KLHL25: variants seen among roughly 807,000 people sequenced by gnomAD.
KLHL25 encodes the protein kelch-like protein 25.
KLHL25 carries 41 observed loss-of-function variants against 30.0 expected under a neutral mutation model. The ratio of observed to expected loss-of-function variants is 1.37; its 90% confidence interval spans 1.07 to 1.78. The LOEUF (loss-of-function observed/expected upper bound fraction) is 1.78. Ranked by LOEUF, KLHL25 falls within the 40% of genes most tolerant of loss-of-function variation. The pLI, the probability that KLHL25 is intolerant of heterozygous loss-of-function variation, is 0.00. For missense variants in KLHL25, 971 were observed against 824.5 expected (o/e 1.18, Z -2.18); for synonymous variants, 399 against 355.3 (o/e 1.12, Z -1.38).
intron 1 of KLHL25, among the ~76,000 whole-genome samples, chr15:85,786,583 G>C (rs1258165655): frequency 6.6e-6 from 1 of 152,202 alleles, no homozygotes; most frequent in African/African-American, 2.4e-5. Context: ...CTTTATTCCT[G>C]CAGACAGGTG....
rs1009441040 is a variant in KLHL25, at chr15:85,789,670, G to A, written c.-11+5096C>T. Among the ~76,000 whole-genome samples, 12 of 152,110 alleles carry A rather than the reference G, an allele frequency of 7.9e-5. No individual in the cohort carries two copies. The highest frequency in any genetic ancestry group is 2.9e-4 in the African/African-American group (12 of 41,410). On this transcript the variant is annotated intron_variant, in intron 1 of 2. Transcript: ENST00000337975. The surrounding 1 kb of genome is among the most constrained non-coding windows in gnomAD (Gnocchi z 4.1). ...GTCTCACCCTAGTCATTCCAGAGGG[G>A]GTCATCCTGGTGCTCCCACGAACTG...
intron 1 of KLHL25, among the ~76,000 whole-genome samples, chr15:85,791,768 C>T (rs968602817): frequency 5.3e-5 from 8 of 152,058 alleles, no homozygotes; most frequent in Non-Finnish European, 4.4e-5. Context: ...GGTGCCAGAC[C>T]CCATTCTAGG....
intron 2 of KLHL25, chr15:85,763,652 G>A (rs1160827340): frequency 3.3e-5 from 5 of 152,380 alleles, no homozygotes; most frequent in Middle Eastern, 6.8e-3. Context: ...GGCTTCTGAA[G>A]CTAACGTCAG....
intron 1 of KLHL25, among the ~76,000 whole-genome samples, chr15:85,788,799 G>A (rs763003781): frequency 1.1e-4 from 16 of 152,212 alleles, no homozygotes; most frequent in Non-Finnish European, 2.1e-4. Flanking sequence ...TTCTCCCTCA[G>A]ATTTCCAAGC....
intron 2 of KLHL25, 35 bp downstream of exon 2, chr15:85,767,982 G>A (rs551593520): frequency 4.0e-5 from 57 of 1,407,642 alleles, no homozygotes; most frequent in African/African-American, 1.4e-4. Flanking sequence ...TGACCTTTCC[G>A]GACCCAGAGT....
chr15:85,785,186 C>T (rs2089773216), intron 1 of KLHL25, among the ~76,000 whole-genome samples: 1 of 150,340 alleles, frequency 6.7e-6, no homozygotes, highest in Non-Finnish European at 1.5e-5. Flanking sequence ...CTCCGCCTCC[C>T]GGGTTCACAC....
At position 85,773,947 on chromosome 15, in the gene KLHL25, G is replaced by C. The variant is rs1350887104; in HGVS notation, c.-10-4127C>G. 3.3e-5 allele frequency among the ~76,000 whole-genome samples: 5 copies of C among 152,148 alleles called. No individual in the cohort carries two copies. In the East Asian group the frequency reaches 9.7e-4, roughly 29 times the overall value. ...TGTCTCGGTAAGGGGTCTTAGCTAT[G>C]TGTCCCTCCACCCCTTCCATCTAGC... On this transcript the variant is annotated intron_variant, in intron 1 of 2. Coordinates refer to ENST00000337975, the MANE Select transcript of KLHL25 (RefSeq NM_022480.4).
chr15:85,777,086 G>C (rs2089714367), intron 1 of KLHL25, among the ~76,000 whole-genome samples: 1 of 152,140 alleles, frequency 6.6e-6, no homozygotes, highest in Admixed American at 6.5e-5. Context: ...GCCTCACTTT[G>C]GCCCCCATGC....
rs2089637721 is a variant in KLHL25 at position 85,768,233 on chromosome 15, G to A, written c.1578C>T (p.Ala526=). ...NQWTRIGDMT[A]KRMSCHALAS... is the part of the protein sequence containing the mutation. ...CCAGGGCATGGCAGGACATGCGCTT[G>A]GCAGTCATGTCCCCAATCCGCGTCC... The change falls in exon 2 of 3, where the codon GCC becomes GCT. Residue 526 remains alanine, a synonymous_variant. Transcript: ENST00000337975. The A allele has an allele frequency of 4.3e-6, 7 of 1,614,170 alleles. No homozygotes were observed. Among genetic ancestry groups the A allele is most frequent in the Non-Finnish European group, 5.9e-6 (7 of 1,180,044 alleles).
At chr15:85,771,797 C>T (rs1597275190) in intron 1 of KLHL25, among the ~76,000 whole-genome samples, 1 of 151,904 alleles carries the variant, frequency 6.6e-6, no homozygotes, top group East Asian at 1.9e-4. Context: ...TCCTGTACCT[C>T]ACTATTATTT....
At chr15:85,777,128 A>C (rs1231720408) in intron 1 of KLHL25, among the ~76,000 whole-genome samples, 1 of 152,150 alleles carries the variant, frequency 6.6e-6, no homozygotes, top group Non-Finnish European at 1.5e-5. Flanking sequence ...CCCATGGGGC[A>C]GTTCTAGAAT....
chr15:85,775,361 G>C (rs1418840811), intron 1 of KLHL25, among the ~76,000 whole-genome samples: 1 of 152,134 alleles, frequency 6.6e-6, no homozygotes. Flanking sequence ...GCATGAGGTT[G>C]GGTGCCCTTA....
rs1461828016 is a variant in KLHL25 at position 85,769,785 on chromosome 15, C to T, written c.26G>A (p.Arg9His). 8 of 1,610,826 alleles carry T rather than the reference C, an allele frequency of 5.0e-6. 1 individual carries two copies. In the South Asian group the frequency reaches 5.5e-5, roughly 11 times the overall value. The change falls in exon 2 of 3, where the codon CGC (arginine) becomes CAC (histidine). Residue 9 changes from arginine to histidine, a missense_variant. Coordinates refer to ENST00000337975, the MANE Select transcript of KLHL25 (RefSeq NM_022480.4). The stretch of plus-strand genomic sequence containing the variant: ...GGACCCCGTGCTGCTCCGCGACTTG[C>T]GGGTCTCATGGACACTGACCGACAT... Reference protein sequence around the residue: MSVSVHETRKSRSSTGSMN... With the variant: MSVSVHETHKSRSSTGSMN...
chr15:85,772,331 C>T (rs2089681534), intron 1 of KLHL25, among the ~76,000 whole-genome samples: 1 of 152,250 alleles, frequency 6.6e-6, no homozygotes, highest in African/African-American at 2.4e-5. Flanking sequence ...CACACTTGTG[C>T]TTCCAAGGAC....
At chr15:85,792,501 G>GGC (rs1036779229) in intron 1 of KLHL25, among the ~76,000 whole-genome samples, 1 of 152,162 alleles carries the variant, frequency 6.6e-6, no homozygotes, top group African/African-American at 2.4e-5. Flanking sequence ...TCAGACAATG[G>GGC]GCTGGTCTTT....
chr15:85,784,870 G>A (rs1390081688), intron 1 of KLHL25, among the ~76,000 whole-genome samples: 1 of 152,150 alleles, frequency 6.6e-6, no homozygotes, highest in Non-Finnish European at 1.5e-5. Context: ...CTACAGAACT[G>A]TGCATTAATC....
At position 85,788,643 on chromosome 15, in the gene KLHL25, T is replaced by C. The variant is rs111710688; in HGVS notation, c.-11+6123A>G. ...CTATTGAGACCCTAGCGCTGTGCCATACCCGCCTGTCTGCCTCCCACATCA... is the reference window on the plus strand; with the variant it reads ...CTATTGAGACCCTAGCGCTGTGCCACACCCGCCTGTCTGCCTCCCACATCA... On this transcript the variant is annotated intron_variant, in intron 1 of 2. Coordinates refer to ENST00000337975, the MANE Select transcript of KLHL25 (RefSeq NM_022480.4). 2.7e-3 allele frequency among the ~76,000 whole-genome samples: 418 copies of C among 152,230 alleles called. 2 individuals carry two copies. Among genetic ancestry groups the C allele is most frequent in the African/African-American group, 9.8e-3 (405 of 41,530 alleles).
At chr15:85,772,485 C>T (rs1002983083) in intron 1 of KLHL25, among the ~76,000 whole-genome samples, 5 of 152,232 alleles carry the variant, frequency 3.3e-5, no homozygotes, top group African/African-American at 1.2e-4. Context: ...GGGGTGAGCC[C>T]CTCTGGGATT....
At chr15:85,762,459 GTTCCCTCTCAGGCTGGGTC>G (rs2089589560) in intron 2 of KLHL25, 1 of 22,096 alleles carries the variant, frequency 4.5e-5, no homozygotes, top group African/African-American at 9.6e-5. Flanking sequence ...GGGTCCCTTT[GTTCCCTCTCAGGCTGGGTC>G]CCTTTAATTT....
Sources: gnomAD v4.1 joint callset for allele counts (sites outside exome capture counted in the v4.1 genomes callset) on GRCh38, gnomAD v4.1.1 for gene constraint, Gnocchi (gnomAD v3.1) non-coding constraint, MANE v1.5 for transcripts, NCBI Gene and HGNC (gene_info 2026-07-23, HGNC 2026-07-21) for gene names.